RBFOX3: variants seen among roughly 807,000 people sequenced by gnomAD.
RBFOX3 encodes RNA binding fox-1 homolog 3, also known as RNA binding protein fox-1 homolog 3.
Under a neutral mutation model 48.7 loss-of-function variants are expected in RBFOX3, and 17 were observed. The observed-to-expected ratio is 0.35, with a 90% CI of 0.24 to 0.52. RBFOX3 has a LOEUF of 0.52. RBFOX3 is among the 20% of genes least tolerant of loss of function. The pLI, the probability that RBFOX3 is intolerant of heterozygous loss-of-function variation, is 0.94. For missense variants in RBFOX3, 382 were observed against 497.5 expected, an observed-to-expected ratio of 0.77 and a Z score of 2.21; for synonymous variants, 212 against 209.5, an observed-to-expected ratio of 1.01 and a Z score of -0.10.
At chr17:79,610,491 C>T (rs903640880) in intron 1 of RBFOX3, among the ~76,000 whole-genome samples, 230 of 152,038 alleles carry the variant, frequency 1.5e-3, no homozygotes, top group African/African-American at 5.5e-3. Context: ...CCACTGCCAC[C>T]GCCACGCAGC....
intron 2 of RBFOX3, among the ~76,000 whole-genome samples, chr17:79,359,840 C>G (rs555076170): frequency 6.6e-6 from 1 of 152,210 alleles, no homozygotes; most frequent in East Asian, 1.9e-4. Context: ...ATCCTCCCAC[C>G]TCAGCCTCCT....
intron 1 of RBFOX3, among the ~76,000 whole-genome samples, chr17:79,509,666 C>A (rs2083804751): frequency 1.3e-5 from 2 of 151,456 alleles, no homozygotes; most frequent in Non-Finnish European, 2.9e-5. Flanking sequence ...CCTCAGGGAC[C>A]CGTCCCTTCC....
chr17:79,275,473 G>A (rs540477051), intron 3 of RBFOX3, among the ~76,000 whole-genome samples: 30 of 152,226 alleles, frequency 2.0e-4, no homozygotes, highest in Non-Finnish European at 3.5e-4. Flanking sequence ...CCTCCAAGAC[G>A]GTAGGCTTCA....
intron 2 of RBFOX3, among the ~76,000 whole-genome samples, chr17:79,341,371 T>A (rs1009790250): frequency 6.6e-6 from 1 of 152,214 alleles, no homozygotes; most frequent in Non-Finnish European, 1.5e-5. Context: ...GCCTCCTTTT[T>A]TACTTCCTCA....
chr17:79,614,857 TA>T (rs2093987945), upstream of RBFOX3, among the ~76,000 whole-genome samples: 2 of 151,328 alleles, frequency 1.3e-5, no homozygotes, highest in African/African-American at 4.9e-5. Context: ...GAAAAAAAAC[TA>T]GATGATCAAT....
rs1288323019 is a variant in RBFOX3 at position 79,311,390 on chromosome 17, A to C, written c.-174-3566T>G. On this transcript the variant is annotated intron_variant, in intron 2 of 14. Transcript: ENST00000693108. This position sits in a 1 kb window ranked among gnomAD's most constrained non-coding sequence, Gnocchi z 4.2. The stretch of plus-strand genomic sequence containing the variant: ...AGAGGTTGCAGTGAGCCAAGATCAC[A>C]CCATTGCACTCCAGCCTGGGTAAGA... Among the ~76,000 whole-genome samples, 1 of 146,334 alleles carries C rather than the reference A, an allele frequency of 6.8e-6. No homozygotes were observed. Among genetic ancestry groups the C allele is most frequent in the East Asian group, 2.1e-4 (1 of 4,874 alleles).
At chr17:79,093,524 G>T (rs1298068144) in intron 14 of RBFOX3, among the ~76,000 whole-genome samples, 4 of 150,052 alleles carry the variant, frequency 2.7e-5, no homozygotes, top group Non-Finnish European at 5.9e-5. Flanking sequence ...GGCTGCTGGG[G>T]GTGTCTGAGG....
chr17:79,289,677 C>T (rs1255208264), intron 3 of RBFOX3, among the ~76,000 whole-genome samples: 2 of 152,234 alleles, frequency 1.3e-5, no homozygotes, highest in South Asian at 2.1e-4. Flanking sequence ...TTTAAAGCTG[C>T]TTCCTGCACT....
At chr17:79,655,804 AC>A in the RBFOX3 span, among the ~76,000 whole-genome samples, 3 of 152,196 alleles carry the variant, frequency 2.0e-5, no homozygotes, top group Non-Finnish European at 4.4e-5. Context: ...TGGGGTGTCC[AC>A]CAATACTCCT....
Position 79,364,566 on chromosome 17 carries a change from G to A in RBFOX3, c.-174-56742C>T, listed in dbSNP as rs1292350461. 6.6e-6 allele frequency among the ~76,000 whole-genome samples: 1 copy of A among 152,192 alleles called. No homozygotes were observed. Among genetic ancestry groups the A allele is most frequent in the Non-Finnish European group, 1.5e-5 (1 of 68,032 alleles). On this transcript the variant is annotated intron_variant, in intron 2 of 14. Transcript: ENST00000693108. This position sits in a 1 kb window ranked among gnomAD's most constrained non-coding sequence, Gnocchi z 5.1. ...CACAGACACTGCGTGCAGCTCTGGG[G>A]ATGAAAAGATGCGTAAGACAAAGGG... is the stretch of plus-strand genomic sequence containing the variant.
At chr17:79,618,447 G>C in the RBFOX3 span, among the ~76,000 whole-genome samples, 1 of 152,188 alleles carries the variant, frequency 6.6e-6, no homozygotes, top group Admixed American at 6.5e-5. Flanking sequence ...CCGTGTGTCT[G>C]CTCAGGCAGA....
At chr17:79,110,212 G>T (rs1040895288) in intron 5 of RBFOX3, among the ~76,000 whole-genome samples, 10 of 151,186 alleles carry the variant, frequency 6.6e-5, no homozygotes, top group African/African-American at 2.2e-4. Context: ...CTTCCCTCCC[G>T]ACTGGGCTGG....
chr17:79,448,151 G>C lies in RBFOX3; in HGVS notation c.-175+34303C>G, dbSNP rs112115292. Among the ~76,000 whole-genome samples the C allele has an allele frequency of 3.0e-3, 461 of 152,312 alleles. 3 individuals carry two copies. The highest frequency in any genetic ancestry group is 0.011 in the African/African-American group (445 of 41,548). The stretch of plus-strand genomic sequence containing the variant: ...TTCATAAATTACCCAGTCTCAGGTA[G>C]TTTTTGATAACAGTGTGAGAACAGA... On this transcript the variant is annotated intron_variant, in intron 2 of 14. Transcript: ENST00000693108.
intron 5 of RBFOX3, 126 bp downstream of exon 5, chr17:79,115,368 A>T: frequency 1.9e-6 from 1 of 521,824 alleles, no homozygotes; most frequent in Non-Finnish European, 3.0e-6. Context: ...CCCTCCACAC[A>T]CAGAGGCCCT....
At position 79,115,746 on chromosome 17, in the gene RBFOX3, G is replaced by C. The variant is rs889625670; in HGVS notation, c.-31C>G. On this transcript the variant is annotated splice_region_variant and 5_prime_UTR_variant, in exon 5 of 15. Transcript: ENST00000693108. ...CAGGCGGAGCCGTGGCGTCCTGATCGCTCTGTGGAAGGAGAGAGAGCAAGG... is the reference window on the plus strand; with the variant it reads ...CAGGCGGAGCCGTGGCGTCCTGATCCCTCTGTGGAAGGAGAGAGAGCAAGG... The C allele has an allele frequency of 1.4e-6, 1 of 710,644 alleles. No individual in the cohort carries two copies. Among genetic ancestry groups the C allele is most frequent in the Non-Finnish European group, 2.4e-6 (1 of 410,646 alleles). The allele number at this position is 710,644 out of a possible 1,614,324, so 44.0% of individuals were successfully genotyped here. A position where few individuals can be genotyped will look rare whatever the true frequency, so the allele number is the denominator to read the frequency against.
At chr17:79,468,678 G>C (rs1292285305) in intron 2 of RBFOX3, among the ~76,000 whole-genome samples, 11 of 151,126 alleles carry the variant, frequency 7.3e-5, no homozygotes, top group African/African-American at 2.7e-4. Context: ...TAGATAGATA[G>C]GAGACAGGCA....
At chr17:79,107,418 G>A (rs1249616336) in intron 5 of RBFOX3, among the ~76,000 whole-genome samples, 1 of 152,222 alleles carries the variant, frequency 6.6e-6, no homozygotes, top group Non-Finnish European at 1.5e-5. Flanking sequence ...ATACTGGTGG[G>A]CAGATGGGCT....
At chr17:79,427,342 C>T (rs1267809109) in intron 2 of RBFOX3, among the ~76,000 whole-genome samples, 1 of 152,174 alleles carries the variant, frequency 6.6e-6, no homozygotes, top group African/African-American at 2.4e-5. Flanking sequence ...GTCCTTTGAC[C>T]CTGTTGGTAG....
intron 1 of RBFOX3, among the ~76,000 whole-genome samples, chr17:79,566,200 C>T (rs1433019253): frequency 1.3e-5 from 2 of 152,124 alleles, no homozygotes; most frequent in East Asian, 1.9e-4. Context: ...GTTTCTTCTA[C>T]TTGTTAATCA....
Sources: gnomAD v4.1 joint callset for allele counts (sites outside exome capture counted in the v4.1 genomes callset) on GRCh38, gnomAD v4.1.1 for gene constraint, Gnocchi (gnomAD v3.1) non-coding constraint, MANE v1.5 for transcripts, NCBI Gene and HGNC (gene_info 2026-07-23, HGNC 2026-07-21) for gene names.